TTLL5: variants seen among roughly 807,000 people sequenced by gnomAD.
TTLL5 encodes tubulin tyrosine ligase like 5, also known as tubulin polyglutamylase TTLL5.
TTLL5 carries 132 observed loss-of-function variants against 168.4 expected under a neutral mutation model. The observed-to-expected ratio is 0.78, with a 90% CI of 0.68 to 0.91. The LOEUF (loss-of-function observed/expected upper bound fraction) is 0.91. Ranked by LOEUF, TTLL5 falls within the 40% of genes least tolerant of loss-of-function variation. The pLI, the probability that TTLL5 is intolerant of heterozygous loss-of-function variation, is 0.00. For synonymous variants in TTLL5, 546 were observed against 558.6 expected, an observed-to-expected ratio of 0.98 and a Z score of 0.32; for missense variants, 1,545 against 1,581.5, an observed-to-expected ratio of 0.98 and a Z score of 0.39.
intron 21 of TTLL5, 106 bp from the exon 22 acceptor site, chr14:75,775,378 A>G (rs1891655430): frequency 7.8e-7 from 1 of 1,287,992 alleles, no homozygotes; most frequent in Non-Finnish European, 1.1e-6. Context: ...GAAATGTGTA[A>G]TATATGTCTT....
chr14:75,773,957 A>AGAGAC (rs1891536422), intron 21 of TTLL5, among the ~76,000 whole-genome samples: 1 of 43,360 alleles, frequency 2.3e-5, no homozygotes, highest in Non-Finnish European at 4.3e-5. Flanking sequence ...GAGAGAGAGA[A>AGAGAC]AGAGAGAGAG....
intron 31 of TTLL5, among the ~76,000 whole-genome samples, chr14:75,941,652 A>T (rs1048443990): frequency 6.6e-5 from 10 of 151,688 alleles, no homozygotes; most frequent in Non-Finnish European, 8.8e-5. Flanking sequence ...CCAGATAGGA[A>T]TTTTTTCTTT....
intron 29 of TTLL5, among the ~76,000 whole-genome samples, chr14:75,872,912 CAA>C (rs71119400): frequency 3.8e-5 from 5 of 131,234 alleles, no homozygotes; most frequent in Non-Finnish European, 3.2e-5. Context: ...AACTCCATCT[CAA>C]AAAAAAAAAA....
At chr14:75,749,067 A>G (rs1566587209) in intron 17 of TTLL5, among the ~76,000 whole-genome samples, 1 of 152,196 alleles carries the variant, frequency 6.6e-6, no homozygotes, top group Non-Finnish European at 1.5e-5. Flanking sequence ...TATGCTATTC[A>G]TGTAGTTATA....
chr14:75,810,853 C>G (rs1315829676), intron 27 of TTLL5, among the ~76,000 whole-genome samples: 2 of 152,132 alleles, frequency 1.3e-5, no homozygotes, highest in Non-Finnish European at 2.9e-5. Context: ...ATCTGTATGT[C>G]AAAGCTGTTA....
chr14:75,799,153 A>G (rs1234893057), intron 27 of TTLL5, among the ~76,000 whole-genome samples: 1 of 152,064 alleles, frequency 6.6e-6, no homozygotes, highest in Non-Finnish European at 1.5e-5. Flanking sequence ...CTCCAGTGTT[A>G]GGCGCATATG....
At position 75,863,794 on chromosome 14, in the gene TTLL5, C is replaced by T; in HGVS notation, c.3454C>T (p.Leu1152=). The change falls in exon 29 of 32, where the codon CTG becomes TTG. Residue 1152 remains leucine, a synonymous_variant. Coordinates refer to ENST00000298832, the MANE Select transcript of TTLL5 (RefSeq NM_015072.5). The stretch of plus-strand genomic sequence containing the variant: ...AGGCAGCTATCAGCTTCAATTTGCC[C>T]TGCAGCAACTTGAACAACAAAAACT... ...TAGSYQLQFA[L]QQLEQQKLQS... is the part of the protein sequence containing the mutation. 1 of 1,612,854 alleles carries T rather than the reference C, an allele frequency of 6.2e-7. No individual in the cohort carries two copies. The highest frequency in any genetic ancestry group is 8.5e-7 in the Non-Finnish European group (1 of 1,179,604).
intron 31 of TTLL5, among the ~76,000 whole-genome samples, chr14:75,935,667 T>C (rs1276971501): frequency 1.3e-5 from 2 of 152,170 alleles, no homozygotes; most frequent in African/African-American, 4.8e-5. Context: ...TTCTGAGAGA[T>C]ATTGTTAAGT....
chr14:75,708,611 C>T (rs1886821199), intron 9 of TTLL5, among the ~76,000 whole-genome samples: 1 of 152,228 alleles, frequency 6.6e-6, no homozygotes, highest in African/African-American at 2.4e-5. Flanking sequence ...AGGTGTGAGC[C>T]ACCACACCTG....
intron 23 of TTLL5, among the ~76,000 whole-genome samples, chr14:75,779,371 T>A (rs1422813843): frequency 2.1e-5 from 2 of 93,180 alleles, no homozygotes; most frequent in African/African-American, 8.3e-5. Flanking sequence ...GAAAATTCAC[T>A]GCGGGATGAA....
chr14:75,840,632 G>A (rs1896174702), intron 28 of TTLL5, among the ~76,000 whole-genome samples: 3 of 152,138 alleles, frequency 2.0e-5, no homozygotes, highest in Admixed American at 1.3e-4. Flanking sequence ...CATCTCAAAG[G>A]CTGGTTCCCA....
intron 27 of TTLL5, among the ~76,000 whole-genome samples, chr14:75,809,610 T>A (rs1467552680): frequency 6.6e-6 from 1 of 152,234 alleles, no homozygotes; most frequent in African/African-American, 2.4e-5. Flanking sequence ...TATTTTGAGA[T>A]ATACAATAAA....
At chr14:75,867,750 A>ACT (rs2030643719) in intron 29 of TTLL5, among the ~76,000 whole-genome samples, 2 of 148,968 alleles carry the variant, frequency 1.3e-5, no homozygotes, top group South Asian at 4.3e-4. Context: ...ACAGATTGAG[A>ACT]CTGTCTCCAA....
chr14:75,709,525 A>C, intron 9 of TTLL5: 1 of 275,794 alleles, frequency 3.6e-6, no homozygotes, highest in Non-Finnish European at 7.1e-6. Context: ...AAAATTGAGA[A>C]AGGGAAGAAC....
At chr14:75,950,281 T>G (rs1327884924) in intron 31 of TTLL5, among the ~76,000 whole-genome samples, 1 of 152,194 alleles carries the variant, frequency 6.6e-6, no homozygotes, top group Non-Finnish European at 1.5e-5. Context: ...ATTAGAGACT[T>G]AAATATGAAA....
chr14:75,837,422 T>G (rs1197047066), intron 28 of TTLL5: 1 of 152,212 alleles, frequency 6.6e-6, no homozygotes, highest in Non-Finnish European at 1.5e-5. Context: ...ATTTTAAAAA[T>G]TGTGGTAAAA....
At chr14:75,683,494 G>T in intron 4 of TTLL5, 56 bp from the exon 5 acceptor site, 1 of 1,383,828 alleles carries the variant, frequency 7.2e-7, no homozygotes, top group Non-Finnish European at 1.0e-6. Context: ...TGCTTTTCCT[G>T]GAGAAGGGGT....
At chr14:75,865,294 A>T (rs1287547376) in intron 29 of TTLL5, among the ~76,000 whole-genome samples, 2 of 151,614 alleles carry the variant, frequency 1.3e-5, no homozygotes, top group African/African-American at 4.9e-5. Flanking sequence ...GTGTTCTTAA[A>T]TTTCTTAAAG....
intron 28 of TTLL5, among the ~76,000 whole-genome samples, chr14:75,857,381 TTAGATAGA>T (rs75729746): frequency 5.6e-4 from 84 of 149,772 alleles, no homozygotes; most frequent in African/African-American, 1.2e-3. Context: ...GGTTGGTTGA[TTAGATAGA>T]TAGATAGATA....
Sources: allele counts gnomAD v4.1 joint callset (sites outside exome capture counted in the v4.1 genomes callset), GRCh38; gene constraint gnomAD v4.1.1; transcripts MANE v1.5; gene names NCBI Gene and HGNC (gene_info 2026-07-23, HGNC 2026-07-21).